The following HS3ST4 variants were observed in gnomAD, a reference collection of about 807,000 sequenced individuals.
HS3ST4 encodes the protein heparan sulfate-glucosamine 3-sulfotransferase 4.
In HS3ST4, 17 loss-of-function variants were observed where a neutral mutation model predicts 29.2. The ratio of observed to expected loss-of-function variants is 0.58; its 90% CI spans 0.40 to 0.87. The LOEUF (loss-of-function observed/expected upper bound fraction) is 0.87. Among genes scored for constraint, HS3ST4 ranks in the 40% least tolerant of loss-of-function variants. HS3ST4 has a pLI of 0.00. For missense variants in HS3ST4, 627 were observed against 634.5 expected, an observed-to-expected ratio of 0.99 and a Z score of 0.13; for synonymous variants, 314 against 285.7, an observed-to-expected ratio of 1.10 and a Z score of -1.00.
At chr16:25,774,920 A>G (rs1966846215) in intron 1 of HS3ST4, among the ~76,000 whole-genome samples, 1 of 152,142 alleles carries the variant, frequency 6.6e-6, no homozygotes, top group South Asian at 2.1e-4. Flanking sequence ...TTTGCTTCAT[A>G]ATGCCCCAGC....
chr16:26,128,856 G>T (rs1405161389), intron 1 of HS3ST4, among the ~76,000 whole-genome samples: 1 of 151,512 alleles, frequency 6.6e-6, no homozygotes, highest in Non-Finnish European at 1.5e-5. Context: ...TTTCTTCTGT[G>T]CAGGGGAACT....
At chr16:25,777,406 C>T (rs2141613573) in intron 1 of HS3ST4, among the ~76,000 whole-genome samples, 1 of 139,722 alleles carries the variant, frequency 7.2e-6, no homozygotes, top group South Asian at 2.3e-4. Context: ...GCAGAAAGCA[C>T]ACCAAAGTGT....
intron 1 of HS3ST4, among the ~76,000 whole-genome samples, chr16:25,714,661 T>G (rs1966439916): frequency 6.6e-6 from 1 of 152,232 alleles, no homozygotes. Flanking sequence ...ATGGCTTTGT[T>G]TACTTATTTG....
intron 1 of HS3ST4, among the ~76,000 whole-genome samples, chr16:25,813,907 A>C (rs891399734): frequency 6.6e-6 from 1 of 152,240 alleles, no homozygotes; most frequent in Non-Finnish European, 1.5e-5. Flanking sequence ...TGGAATATTA[A>C]CAACAACAAA....
At chr16:25,862,489 A>G (rs1053054025) in intron 1 of HS3ST4, among the ~76,000 whole-genome samples, 2 of 152,136 alleles carry the variant, frequency 1.3e-5, no homozygotes, top group African/African-American at 4.8e-5. Flanking sequence ...CACCTCACCC[A>G]GCCTTCCTAT....
chr16:25,861,575 A>G (rs1967637475), intron 1 of HS3ST4, among the ~76,000 whole-genome samples: 1 of 152,200 alleles, frequency 6.6e-6, no homozygotes. Context: ...ACCAAAAAGG[A>G]TAACAAATGA....
intron 1 of HS3ST4, among the ~76,000 whole-genome samples, chr16:25,817,279 T>C (rs1239784147): frequency 1.3e-5 from 2 of 152,206 alleles, no homozygotes; most frequent in Admixed American, 6.5e-5. Context: ...AATGCTTAGT[T>C]AATATGGCTG....
At chr16:26,105,712 G>C (rs1402008418) in intron 1 of HS3ST4, among the ~76,000 whole-genome samples, 1 of 152,200 alleles carries the variant, frequency 6.6e-6, no homozygotes, top group African/African-American at 2.4e-5. Flanking sequence ...AAGCCAGACG[G>C]GCTTTCGCCC....
At chr16:25,798,029 G>T (rs983529119) in intron 1 of HS3ST4, among the ~76,000 whole-genome samples, 1 of 152,156 alleles carries the variant, frequency 6.6e-6, no homozygotes, top group East Asian at 1.9e-4. Flanking sequence ...GTTGAGTGTG[G>T]GGTAGAAGGA....
At chr16:26,087,227 GC>G (rs1218601358) in intron 1 of HS3ST4, among the ~76,000 whole-genome samples, 1 of 152,174 alleles carries the variant, frequency 6.6e-6, no homozygotes, top group Non-Finnish European at 1.5e-5. Flanking sequence ...CACATCACTG[GC>G]CATGCAGAGT....
chr16:25,710,301 T>A (rs567907377), intron 1 of HS3ST4, among the ~76,000 whole-genome samples: 35 of 152,310 alleles, frequency 2.3e-4, no homozygotes, highest in African/African-American at 8.2e-4. Context: ...TGTGTGTGTG[T>A]GAGAAAATTA....
chr16:25,793,828 A>G (rs1353206035), intron 1 of HS3ST4, among the ~76,000 whole-genome samples: 1 of 151,824 alleles, frequency 6.6e-6, no homozygotes, highest in South Asian at 2.1e-4. Context: ...ACAGTTTTGT[A>G]TTCTTCCTCC....
At chr16:25,928,190 C>T (rs1968427517) in intron 1 of HS3ST4, among the ~76,000 whole-genome samples, 1 of 148,772 alleles carries the variant, frequency 6.7e-6, no homozygotes, top group South Asian at 2.1e-4. Context: ...AGCAAGACTC[C>T]ATCTTTCCAA....
At chr16:26,090,676 AG>A (rs1366881224) in intron 1 of HS3ST4, among the ~76,000 whole-genome samples, 2 of 152,134 alleles carry the variant, frequency 1.3e-5, no homozygotes, top group Non-Finnish European at 2.9e-5. Flanking sequence ...CACCATCCAA[AG>A]GGCATGCGAT....
At chr16:25,861,947 T>G (rs1025115667) in intron 1 of HS3ST4, among the ~76,000 whole-genome samples, 2 of 152,140 alleles carry the variant, frequency 1.3e-5, no homozygotes, top group African/African-American at 4.8e-5. Context: ...TTCCATGTCA[T>G]GTAGCAGCAG....
At chr16:25,759,706 C>T (rs1966777847) in intron 1 of HS3ST4, among the ~76,000 whole-genome samples, 1 of 152,118 alleles carries the variant, frequency 6.6e-6, no homozygotes, top group Admixed American at 6.5e-5. Context: ...GGGAGGATCG[C>T]TTGAGGCCAG....
At chr16:26,095,530 G>A (rs767293695) in intron 1 of HS3ST4, among the ~76,000 whole-genome samples, 2 of 152,142 alleles carry the variant, frequency 1.3e-5, no homozygotes, top group Admixed American at 6.5e-5. Flanking sequence ...GGTAAATAAT[G>A]CAATGAAGGT....
chr16:26,066,768 T>A (rs1898547262), intron 1 of HS3ST4, among the ~76,000 whole-genome samples: 2 of 152,218 alleles, frequency 1.3e-5, no homozygotes, highest in South Asian at 4.1e-4. Flanking sequence ...CACGATTTCT[T>A]GCATCTCACT....
intron 1 of HS3ST4, among the ~76,000 whole-genome samples, chr16:25,813,960 A>G (rs1967067243): frequency 6.6e-6 from 1 of 152,264 alleles, no homozygotes; most frequent in African/African-American, 2.4e-5. Flanking sequence ...ATACAGTGGC[A>G]TAGATGCAGC....
Sources: gnomAD v4.1 joint callset for allele counts (sites outside exome capture counted in the v4.1 genomes callset) on GRCh38, gnomAD v4.1.1 for gene constraint, MANE v1.5 for transcripts, NCBI Gene and HGNC (gene_info 2026-07-23, HGNC 2026-07-21) for gene names.